NCOA1: variants seen among roughly 807,000 people sequenced by gnomAD.
NCOA1 encodes Hin-2 protein.
A neutral mutation model predicts 150.9 loss-of-function variants in NCOA1; 35 were observed. The observed-to-expected ratio is 0.23, with a 90% CI of 0.18 to 0.31. The LOEUF is 0.31. Among genes scored for constraint, NCOA1 ranks in the 10% least tolerant of loss-of-function variants. The pLI is 1.00. For synonymous variants in NCOA1, 590 were observed against 630.0 expected (o/e 0.94, Z 0.95); for missense variants, 1,491 against 1,749.3 (o/e 0.85, Z 2.63).
At chr2:24,751,269 C>T (rs954249917) in intron 19 of NCOA1, among the ~76,000 whole-genome samples, 2 of 150,342 alleles carry the variant, frequency 1.3e-5, no homozygotes, top group African/African-American at 2.4e-5. Context: ...CCCGGCCACA[C>T]GTGGCTTTTT....
At chr2:24,737,290 G>A (rs1253757038) in intron 17 of NCOA1, among the ~76,000 whole-genome samples, 2 of 152,170 alleles carry the variant, frequency 1.3e-5, no homozygotes, top group African/African-American at 4.8e-5. Flanking sequence ...CACAGCACTA[G>A]TCAGGTTGCA....
chr2:24,612,179 T>C (rs995069439), intron 3 of NCOA1, among the ~76,000 whole-genome samples: 1 of 152,200 alleles, frequency 6.6e-6, no homozygotes, highest in Non-Finnish European at 1.5e-5. Flanking sequence ...TGAAGCTTAG[T>C]TTGGCAGGAT....
intron 19 of NCOA1, among the ~76,000 whole-genome samples, chr2:24,749,194 A>G (rs1373477941): frequency 6.6e-6 from 1 of 152,240 alleles, no homozygotes; most frequent in Non-Finnish European, 1.5e-5. Flanking sequence ...CAGACAAAGT[A>G]CATTCAACAG....
chr2:24,575,002 C>T (rs1666895477), intron 2 of NCOA1, among the ~76,000 whole-genome samples: 1 of 151,978 alleles, frequency 6.6e-6, no homozygotes, highest in African/African-American at 2.4e-5. Context: ...TTTTGTTGAG[C>T]CTCTTATGAA....
rs139927029 is a variant in NCOA1, at chr2:24,671,077, G to A, written c.257-2289G>A. On this transcript the variant is annotated intron_variant, in intron 6 of 22. Transcript: ENST00000348332. ...GAAACTGTGACATGTGTACAAAAGAGGAAATACCAAAAATAGTTTATTATA... is the reference window on the plus strand; with the variant it reads ...GAAACTGTGACATGTGTACAAAAGAAGAAATACCAAAAATAGTTTATTATA... Among the ~76,000 whole-genome samples the A allele has an allele frequency of 7.4e-3, 1,124 of 152,066 alleles. 13 individuals are homozygous for A. Among genetic ancestry groups the A allele is most frequent in the African/African-American group, 0.025 (1,051 of 41,470 alleles).
chr2:24,759,770 A>G (rs578029886), intron 21 of NCOA1, among the ~76,000 whole-genome samples: 1 of 152,238 alleles, frequency 6.6e-6, no homozygotes, highest in Non-Finnish European at 1.5e-5. Flanking sequence ...GAGGTGATAT[A>G]TGTATGTATA....
At chr2:24,558,872 G>C (rs1180927493) in intron 1 of NCOA1, among the ~76,000 whole-genome samples, 1 of 152,060 alleles carries the variant, frequency 6.6e-6, no homozygotes, top group Non-Finnish European at 1.5e-5. Flanking sequence ...GTAATGCCAG[G>C]GCTTGATCTC....
chr2:24,571,220 G>A (rs555272391), intron 2 of NCOA1, among the ~76,000 whole-genome samples: 2 of 151,842 alleles, frequency 1.3e-5, no homozygotes, highest in African/African-American at 2.4e-5. Context: ...GGGACAGTGC[G>A]TGAGGGGGTG....
chr2:24,633,821 A>C (rs1219665133), intron 3 of NCOA1, among the ~76,000 whole-genome samples: 1 of 152,232 alleles, frequency 6.6e-6, no homozygotes, highest in African/African-American at 2.4e-5. Flanking sequence ...ACAATCTAGA[A>C]ATTCTACTTT....
intron 2 of NCOA1, among the ~76,000 whole-genome samples, chr2:24,574,976 G>A (rs1415038527): frequency 6.6e-6 from 1 of 151,838 alleles, no homozygotes; most frequent in Non-Finnish European, 1.5e-5. Flanking sequence ...GATTTTCTTT[G>A]TTTATCCTGC....
chr2:24,579,158 C>G (rs1339374816), intron 2 of NCOA1, among the ~76,000 whole-genome samples: 1 of 151,956 alleles, frequency 6.6e-6, no homozygotes, highest in African/African-American at 2.4e-5. Flanking sequence ...GGATGGGCAA[C>G]AAGTTGGTTG....
chr2:24,583,510 A>G (rs919780392), intron 2 of NCOA1, among the ~76,000 whole-genome samples: 6 of 152,182 alleles, frequency 3.9e-5, no homozygotes, highest in Admixed American at 3.3e-4. Flanking sequence ...CTAAAAATAT[A>G]ACTGCCATGT....
At chr2:24,548,743 A>G (rs970431794) in intron 1 of NCOA1, among the ~76,000 whole-genome samples, 2 of 152,144 alleles carry the variant, frequency 1.3e-5, no homozygotes, top group African/African-American at 4.8e-5. Context: ...TCAAATCTTA[A>G]AGCTTCAAAA....
chr2:24,705,253 C>G lies in NCOA1; in HGVS notation c.1097+20C>G, dbSNP rs1248418899. ...CGACAGGTACTACTTATTTGGAGAG[C>G]TTCATATGAAATAAGCCAGTTCACA... On this transcript the variant is annotated intron_variant, in intron 12 of 22. Coordinates refer to ENST00000348332, the MANE Select transcript of NCOA1 (RefSeq NM_003743.5). 6.2e-7 allele frequency: 1 copy of G among 1,610,646 alleles called. No individual in the cohort carries two copies. The highest frequency in any genetic ancestry group is 2.2e-5 in the East Asian group (1 of 44,842).
intron 20 of NCOA1, among the ~76,000 whole-genome samples, chr2:24,756,108 G>T (rs1418221805): frequency 6.7e-6 from 1 of 148,776 alleles, no homozygotes; most frequent in African/African-American, 2.5e-5. Context: ...TACAAAATTA[G>T]CTGGGCGTGA....
At chr2:24,703,484 A>C (rs1489698870) in intron 11 of NCOA1, among the ~76,000 whole-genome samples, 1 of 152,224 alleles carries the variant, frequency 6.6e-6, no homozygotes, top group African/African-American at 2.4e-5. Context: ...AAAGTGTGGT[A>C]ATTGTCTTGT....
At chr2:24,591,099 T>C (rs1379313498) in intron 3 of NCOA1, among the ~76,000 whole-genome samples, 1 of 152,158 alleles carries the variant, frequency 6.6e-6, no homozygotes, top group Non-Finnish European at 1.5e-5. Context: ...AAGTATAAAC[T>C]TCTGGTATAA....
intron 1 of NCOA1, among the ~76,000 whole-genome samples, chr2:24,511,646 C>G (rs191620214): frequency 1.7e-4 from 26 of 151,574 alleles, no homozygotes; most frequent in Non-Finnish European, 3.1e-4. Flanking sequence ...ATATGATTTG[C>G]AAATATATTC....
At chr2:24,646,556 G>A (rs947533635) in intron 4 of NCOA1, among the ~76,000 whole-genome samples, 5 of 152,046 alleles carry the variant, frequency 3.3e-5, no homozygotes, top group African/African-American at 1.2e-4. Context: ...TCATAGTAGG[G>A]CCTTCCATGA....
Sources: gnomAD v4.1 joint callset for allele counts (sites outside exome capture counted in the v4.1 genomes callset) on GRCh38, gnomAD v4.1.1 for gene constraint, MANE v1.5 for transcripts, NCBI Gene and HGNC (gene_info 2026-07-23, HGNC 2026-07-21) for gene names.